SLC13A2: variants seen among roughly 807,000 people sequenced by gnomAD.
The protein encoded by SLC13A2 is Na(+)-coupled citrate transporter.
A neutral mutation model predicts 58.5 loss-of-function variants in SLC13A2; 40 were observed. The ratio of observed to expected loss-of-function variants is 0.68; its 90% CI spans 0.53 to 0.89. The LOEUF (loss-of-function observed/expected upper bound fraction) is 0.89. Ranked by LOEUF, SLC13A2 falls within the 40% of genes least tolerant of loss-of-function variation. The pLI is 0.00. For missense variants in SLC13A2, 694 were observed against 772.6 expected (o/e 0.90, Z 1.21); for synonymous variants, 341 against 331.6 (o/e 1.03, Z -0.31).
In SLC13A2 at chr17:28,494,257, A is replaced by G; in HGVS notation, c.1187-134A>G. On this transcript the variant is annotated intron_variant, in intron 8 of 11. Transcript: ENST00000314669. The surrounding 1 kb of genome is among the most constrained non-coding windows in gnomAD (Gnocchi z 4.0). Reference sequence around the variant, plus strand: ...GCACAGGGACTCGGAGACAAAGTTGAGATGTTGCAGAACTGAGGGTCCCCT... The same window carrying G: ...GCACAGGGACTCGGAGACAAAGTTGGGATGTTGCAGAACTGAGGGTCCCCT... 1 of 1,536,730 alleles carries G rather than the reference A, an allele frequency of 6.5e-7. No homozygotes were observed. Among genetic ancestry groups the G allele is most frequent in the Non-Finnish European group, 9.0e-7 (1 of 1,115,838 alleles).
chr17:28,491,860 G>C lies in SLC13A2; in HGVS notation c.878+8G>C. 3 of 1,613,618 alleles carry C rather than the reference G, an allele frequency of 1.9e-6. No homozygotes were observed. The highest frequency in any genetic ancestry group is 4.5e-5 in the East Asian group (2 of 44,870). On this transcript the variant is annotated splice_region_variant and intron_variant, in intron 6 of 11. Transcript: ENST00000314669. ...CCTCTTCCTGGGCTTCAAGTAAGTG[G>C]CAAAGTTGGTGAGAGAAGCCCAGGT...
intron 1 of SLC13A2, among the ~76,000 whole-genome samples, chr17:28,482,563 A>G (rs1346408156): frequency 6.6e-6 from 1 of 152,202 alleles, no homozygotes; most frequent in Non-Finnish European, 1.5e-5. Context: ...GTGTGGTAGT[A>G]TCTGTGTAAT....
chr17:28,475,781 A>G (rs1567842252), intron 1 of SLC13A2, among the ~76,000 whole-genome samples: 1 of 152,100 alleles, frequency 6.6e-6, no homozygotes, highest in Non-Finnish European at 1.5e-5. Flanking sequence ...GTTCCTGCCC[A>G]GCCCTGCCCC....
chr17:28,496,430 G>A lies in SLC13A2; in HGVS notation c.1471-20G>A, dbSNP rs943405056. 20 of 1,586,672 alleles carry A rather than the reference G, an allele frequency of 1.3e-5. No individual in the cohort carries two copies. In the East Asian group the frequency reaches 1.4e-4, roughly 11 times the overall value. Reference sequence around the variant, plus strand: ...GCTTGGGGACCAAGTTCAGCTCTGCGCCACTGCCTCCCACTCCAGGCCCAG... The same window carrying A: ...GCTTGGGGACCAAGTTCAGCTCTGCACCACTGCCTCCCACTCCAGGCCCAG... On this transcript the variant is annotated intron_variant, in intron 10 of 11. Coordinates refer to ENST00000314669, the MANE Select transcript of SLC13A2 (RefSeq NM_003984.4). This position sits in a 1 kb window ranked among gnomAD's most constrained non-coding sequence, Gnocchi z 4.2.
At chr17:28,478,023 A>C (rs2068722238) in intron 1 of SLC13A2, among the ~76,000 whole-genome samples, 2 of 151,924 alleles carry the variant, frequency 1.3e-5, no homozygotes, top group South Asian at 2.1e-4. Context: ...GTGCCACTGC[A>C]CTCCAGCCTA....
intron 1 of SLC13A2, among the ~76,000 whole-genome samples, chr17:28,482,341 C>T (rs1393280547): frequency 2.6e-5 from 4 of 152,112 alleles, no homozygotes; most frequent in African/African-American, 9.7e-5. Flanking sequence ...TGTGAGCCAC[C>T]GCACCCAGCC....
chr17:28,490,507 G>C lies in SLC13A2; in HGVS notation c.285G>C (p.Leu95=). 6.2e-7 allele frequency: 1 copy of C among 1,614,164 alleles called. No homozygotes were observed. The highest frequency in any genetic ancestry group is 8.5e-7 in the Non-Finnish European group (1 of 1,180,034). Residue 95 remains leucine (L), a synonymous_variant, in exon 3 of 12, where the codon CTG becomes CTC. Coordinates refer to ENST00000314669, the MANE Select transcript of SLC13A2 (RefSeq NM_003984.4). ...DSNLLFFGGL[L]VAIAVEHWNL... is the part of the protein sequence containing the mutation. ...ACCTCCTGTTCTTCGGGGGGCTGCT[G>C]GTGGCCATCGCGGTGGAACACTGGA...
In SLC13A2 at chr17:28,473,882, T is replaced by C; in HGVS notation, c.102+68T>C. The C allele has an allele frequency of 2.9e-6, 4 of 1,378,200 alleles. No homozygotes were observed. In the South Asian group the frequency reaches 4.9e-5, roughly 17 times the overall value. 85.4% of individuals were successfully genotyped at this position (1,378,200 alleles called of 1,614,324 possible). A position where few individuals can be genotyped will look rare whatever the true frequency, so the allele number is the denominator to read the frequency against. ...GAGGAGGGACTGTCTGGGCCGGGGT[T>C]GGGCATCCTTAGGATCCAGCATAAC... On this transcript the variant is annotated intron_variant, in intron 1 of 11. Coordinates refer to ENST00000314669, the MANE Select transcript of SLC13A2 (RefSeq NM_003984.4).
intron 1 of SLC13A2, 21 bp from the exon 2 acceptor site, chr17:28,489,193 C>T (rs2068950164): frequency 1.9e-6 from 3 of 1,611,226 alleles, no homozygotes; most frequent in South Asian, 2.2e-5. Context: ...GACAGCTCTG[C>T]CGCTTCTCTC....
At chr17:28,480,250 C>T (rs2068761644) in intron 1 of SLC13A2, among the ~76,000 whole-genome samples, 1 of 152,084 alleles carries the variant, frequency 6.6e-6, no homozygotes, top group Non-Finnish European at 1.5e-5. Context: ...GGGAGAATCA[C>T]TTGAGCCAGG....
intron 1 of SLC13A2, among the ~76,000 whole-genome samples, chr17:28,479,974 G>A (rs782002624): frequency 6.6e-6 from 1 of 152,110 alleles, no homozygotes; most frequent in Non-Finnish European, 1.5e-5. Flanking sequence ...GGCCAAGATG[G>A]CGAAACCCCA....
intron 1 of SLC13A2, among the ~76,000 whole-genome samples, chr17:28,486,129 T>C (rs2068876339): frequency 6.6e-6 from 1 of 152,194 alleles, no homozygotes; most frequent in African/African-American, 2.4e-5. Flanking sequence ...CAGAAATAGA[T>C]GTACTTCCTT....
Position 28,494,334 on chromosome 17 carries a change from A to C in SLC13A2, c.1187-57A>C, listed in dbSNP as rs2069095974. On this transcript the variant is annotated intron_variant, in intron 8 of 11. Coordinates refer to ENST00000314669, the MANE Select transcript of SLC13A2 (RefSeq NM_003984.4). The surrounding 1 kb of genome is among the most constrained non-coding windows in gnomAD (Gnocchi z 4.0). ...ACCCACACAGGGAGCCCGCAAATGG[A>C]GAGGGGAAAGGCCTGTTTGTTCTTT... The C allele has an allele frequency of 6.2e-7, 1 of 1,613,876 alleles. No homozygotes were observed. Among genetic ancestry groups the C allele is most frequent in the Non-Finnish European group, 8.5e-7 (1 of 1,180,004 alleles).
intron 1 of SLC13A2, among the ~76,000 whole-genome samples, chr17:28,476,785 T>C (rs1199933166): frequency 6.6e-6 from 1 of 152,224 alleles, no homozygotes; most frequent in Non-Finnish European, 1.5e-5. Flanking sequence ...TGCACTAGAA[T>C]GTCGGCTCCG....
chr17:28,486,791 CTTTT>C (rs35840529), intron 1 of SLC13A2, among the ~76,000 whole-genome samples: 69 of 131,162 alleles, frequency 5.3e-4, no homozygotes, highest in African/African-American at 1.8e-3. Flanking sequence ...GCGAGTCTGA[CTTTT>C]TTTTTTTTTT....
chr17:28,479,306 G>A (rs1555600634), intron 1 of SLC13A2, among the ~76,000 whole-genome samples: 1 of 152,222 alleles, frequency 6.6e-6, no homozygotes, highest in African/African-American at 2.4e-5. Flanking sequence ...TGCAGATGGG[G>A]AGAGCTTAGC....
At chr17:28,488,553 A>G (rs1442868675) in intron 1 of SLC13A2, among the ~76,000 whole-genome samples, 1 of 152,212 alleles carries the variant, frequency 6.6e-6, no homozygotes, top group East Asian at 1.9e-4. Flanking sequence ...GGCTTCATGC[A>G]GGAAAGAGGG....
intron 1 of SLC13A2, among the ~76,000 whole-genome samples, chr17:28,477,403 C>A (rs949343166): frequency 2.0e-5 from 3 of 151,622 alleles, no homozygotes; most frequent in African/African-American, 7.3e-5. Flanking sequence ...ACCGTGTTAG[C>A]CAGGATGGTC....
Position 28,497,138 on chromosome 17 carries a change from A to C in SLC13A2, c.1648A>C (p.Ile550Leu), listed in dbSNP as rs11567842. 3.1e-6 allele frequency: 5 copies of C among 1,613,774 alleles called. No homozygotes were observed. In the East Asian group the frequency reaches 1.1e-4, roughly 36 times the overall value. The change falls in exon 12 of 12, where the codon ATC becomes CTC. Residue 550 changes from isoleucine (I) to leucine (L), a missense_variant. Ile to Leu is a conservative substitution (Grantham distance 5, BLOSUM62 2). Transcript: ENST00000314669. ...CCTCCTCAACATCATTGGAGTCCTGATCATCGCACTGGCCATCAACAGCTG... is the reference window on the plus strand; with the variant it reads ...CCTCCTCAACATCATTGGAGTCCTGCTCATCGCACTGGCCATCAACAGCTG... ...GFLLNIIGVL[I>L]IALAINSWGI...
Sources: gnomAD v4.1 joint callset for allele counts (sites outside exome capture counted in the v4.1 genomes callset) on GRCh38, gnomAD v4.1.1 for gene constraint, Gnocchi (gnomAD v3.1) non-coding constraint, MANE v1.5 for transcripts, NCBI Gene and HGNC (gene_info 2026-07-23, HGNC 2026-07-21) for gene names.